The following HYCC1 variants were observed in gnomAD, a reference collection of about 807,000 sequenced individuals.
HYCC1 encodes hyccin.
the HYCC1 span, among the ~76,000 whole-genome samples, chr7:22,967,668 G>C: frequency 6.6e-6 from 1 of 152,216 alleles, no homozygotes; most frequent in East Asian, 1.9e-4. Context: ...GATCCCAGTA[G>C]TGAGATGAAG....
chr7:22,993,705 C>T, the HYCC1 span, among the ~76,000 whole-genome samples: 1 of 151,922 alleles, frequency 6.6e-6, no homozygotes, highest in Admixed American at 6.6e-5. Flanking sequence ...CACACACACA[C>T]ATACACACAC....
chr7:22,921,113 C>A, the HYCC1 span, among the ~76,000 whole-genome samples: 5 of 152,194 alleles, frequency 3.3e-5, no homozygotes, highest in Non-Finnish European at 5.9e-5. Flanking sequence ...TTAAAATTAA[C>A]CAGCCTCAGG....
chr7:22,995,801 C>T, the HYCC1 span, among the ~76,000 whole-genome samples: 1 of 151,996 alleles, frequency 6.6e-6, no homozygotes, highest in East Asian at 1.9e-4. Context: ...TAGCTATTCA[C>T]TTGCAAAAAA....
chr7:23,005,264 A>C, the HYCC1 span, among the ~76,000 whole-genome samples: 1 of 152,230 alleles, frequency 6.6e-6, no homozygotes, highest in African/African-American at 2.4e-5. Context: ...TCAACAAGTT[A>C]CTTAAACTTT....
chr7:23,000,653 C>T, the HYCC1 span, among the ~76,000 whole-genome samples: 15 of 152,182 alleles, frequency 9.9e-5, no homozygotes, highest in African/African-American at 3.4e-4. Flanking sequence ...TTTGTATAGT[C>T]CTCCTCCACA....
At chr7:23,013,332 G>A in the HYCC1 span, among the ~76,000 whole-genome samples, 2 of 152,224 alleles carry the variant, frequency 1.3e-5, no homozygotes, top group African/African-American at 2.4e-5. Context: ...GAACCTCTCC[G>A]CCCTGCAGGG....
the HYCC1 span, among the ~76,000 whole-genome samples, chr7:22,907,487 C>A: frequency 9.9e-5 from 15 of 152,248 alleles, 1 homozygote; most frequent in African/African-American, 3.6e-4. Context: ...TTATTGAGAA[C>A]CTTTTAGGTA....
chr7:22,978,582 G>A, the HYCC1 span: 4 of 740,112 alleles, frequency 5.4e-6, no homozygotes, highest in East Asian at 2.7e-5. Context: ...AAGTTGTAGG[G>A]AGTTTCTTCC....
chr7:22,906,077 G>T, the HYCC1 span, among the ~76,000 whole-genome samples: 4 of 152,082 alleles, frequency 2.6e-5, no homozygotes, highest in African/African-American at 9.7e-5. Context: ...TAATGATAAT[G>T]ATGATGATGA....
chr7:23,003,314 T>G, the HYCC1 span, among the ~76,000 whole-genome samples: 1 of 152,070 alleles, frequency 6.6e-6, no homozygotes, highest in Admixed American at 6.6e-5. Flanking sequence ...ACGACATAGC[T>G]GACTTAGGGG....
the HYCC1 span, among the ~76,000 whole-genome samples, chr7:22,982,472 T>G: frequency 6.6e-6 from 1 of 152,142 alleles, no homozygotes; most frequent in Non-Finnish European, 1.5e-5. Flanking sequence ...TCCCTCAATT[T>G]TGGTAGTTTC....
At chr7:23,003,300 G>A in the HYCC1 span, among the ~76,000 whole-genome samples, 11 of 151,502 alleles carry the variant, frequency 7.3e-5, no homozygotes, top group Admixed American at 6.6e-4. Flanking sequence ...TTACAAAAAT[G>A]AATACGACAT....
the HYCC1 span, among the ~76,000 whole-genome samples, chr7:23,013,367 G>T: frequency 6.6e-6 from 1 of 152,242 alleles, no homozygotes; most frequent in African/African-American, 2.4e-5. Context: ...TCGGGCCAAC[G>T]CTGCTCTCCA....
the HYCC1 span, among the ~76,000 whole-genome samples, chr7:22,949,696 G>C: frequency 6.6e-6 from 1 of 151,914 alleles, no homozygotes; most frequent in African/African-American, 2.4e-5. Flanking sequence ...GAAAATGACA[G>C]GGAGAATATT....
the HYCC1 span, among the ~76,000 whole-genome samples, chr7:22,923,402 A>G: frequency 2.6e-5 from 4 of 152,234 alleles, no homozygotes; most frequent in African/African-American, 7.2e-5. Flanking sequence ...ACATGGCTAA[A>G]GCAGTACTTG....
chr7:22,961,792 C>T, the HYCC1 span, among the ~76,000 whole-genome samples: 22 of 152,016 alleles, frequency 1.4e-4, no homozygotes, highest in African/African-American at 5.3e-4. Flanking sequence ...GTATTTGCTA[C>T]ATGTTGCAAA....
At chr7:22,920,556 C>A in the HYCC1 span, among the ~76,000 whole-genome samples, 1 of 151,744 alleles carries the variant, frequency 6.6e-6, no homozygotes, top group African/African-American at 2.4e-5. Context: ...TAAAGACATT[C>A]TCAAATAAAC....
chr7:22,972,849 T>G, the HYCC1 span, among the ~76,000 whole-genome samples: 1 of 152,216 alleles, frequency 6.6e-6, no homozygotes, highest in Non-Finnish European at 1.5e-5. Flanking sequence ...AACAGATTTT[T>G]GCTCAGTAGA....
At chr7:22,958,014 A>C in the HYCC1 span, among the ~76,000 whole-genome samples, 1 of 151,520 alleles carries the variant, frequency 6.6e-6, no homozygotes, top group Non-Finnish European at 1.5e-5. Context: ...TTTGTAATTT[A>C]TATATAAACA....
Sources: gnomAD v4.1 joint callset for allele counts (sites outside exome capture counted in the v4.1 genomes callset) on GRCh38, gnomAD v4.1.1 for gene constraint, MANE v1.5 for transcripts, NCBI Gene and HGNC (gene_info 2026-07-23, HGNC 2026-07-21) for gene names.